TFEC: variants seen among roughly 807,000 people sequenced by gnomAD.
TFEC encodes the protein transcription factor EC.
Under a neutral mutation model 41.6 loss-of-function variants are expected in TFEC, and 31 were observed. The ratio of observed to expected loss-of-function variants is 0.74; its 90% CI spans 0.56 to 1.01. The LOEUF is 1.01. TFEC is among the 50% of genes least tolerant of loss of function. The probability of loss-of-function intolerance (pLI) is 0.00; values close to 1 mark genes in which losing one functional copy is unlikely to be tolerated. For missense variants in TFEC, 402 were observed against 404.1 expected, an observed-to-expected ratio of 0.99 and a Z score of 0.04; for synonymous variants, 143 against 140.6, an observed-to-expected ratio of 1.02 and a Z score of -0.12.
intron 3 of TFEC, among the ~76,000 whole-genome samples, chr7:115,961,906 G>C (rs1792575010): frequency 6.6e-6 from 1 of 151,400 alleles, no homozygotes. Flanking sequence ...CTCATATTAA[G>C]AAAACCCTCC....
chr7:116,050,095 C>T (rs867633109), intron 3 of TFEC, among the ~76,000 whole-genome samples: 1 of 151,992 alleles, frequency 6.6e-6, no homozygotes, highest in Non-Finnish European at 1.5e-5. Context: ...CAAACACATT[C>T]GAAAGCCAGC....
chr7:115,980,935 G>T (rs879884211), intron 2 of TFEC, among the ~76,000 whole-genome samples: 1 of 150,914 alleles, frequency 6.6e-6, no homozygotes, highest in Non-Finnish European at 1.5e-5. Flanking sequence ...ATAATTATAA[G>T]ACATAATTGC....
chr7:116,006,033 C>T (rs553933705), intron 1 of TFEC, among the ~76,000 whole-genome samples: 3 of 152,332 alleles, frequency 2.0e-5, no homozygotes, highest in South Asian at 2.1e-4. Context: ...GGTTTGGGAA[C>T]CTCCACCTCA....
chr7:116,139,795 G>A (rs1310724549), intron 1 of TFEC, among the ~76,000 whole-genome samples: 1 of 152,152 alleles, frequency 6.6e-6, no homozygotes, highest in Non-Finnish European at 1.5e-5. Context: ...TAGGCAAAAG[G>A]AGAGACCAGA....
intron 1 of TFEC, among the ~76,000 whole-genome samples, chr7:116,123,584 C>T (rs1451908208): frequency 6.6e-6 from 1 of 152,044 alleles, no homozygotes; most frequent in East Asian, 1.9e-4. Context: ...CTGGTCTAAC[C>T]CGCATATCCC....
chr7:115,977,755 A>C (rs1013574494), intron 2 of TFEC, among the ~76,000 whole-genome samples: 6 of 152,046 alleles, frequency 3.9e-5, no homozygotes, highest in African/African-American at 1.2e-4. Context: ...ATAGATAAGT[A>C]CATATATATA....
intron 3 of TFEC, among the ~76,000 whole-genome samples, chr7:116,043,276 A>T (rs962084153): frequency 6.6e-6 from 1 of 152,086 alleles, no homozygotes; most frequent in Non-Finnish European, 1.5e-5. Flanking sequence ...TTTTTTTCTG[A>T]GTAAGAGAAC....
At chr7:116,158,626 G>C (rs1267048119) in intron 1 of TFEC, among the ~76,000 whole-genome samples, 1 of 152,040 alleles carries the variant, frequency 6.6e-6, no homozygotes, top group Non-Finnish European at 1.5e-5. Context: ...AAAATTTGAT[G>C]TTCTGAAGTA....
chr7:115,945,350 C>T (rs936774678), intron 6 of TFEC, among the ~76,000 whole-genome samples: 11 of 151,356 alleles, frequency 7.3e-5, no homozygotes, highest in Non-Finnish European at 1.3e-4. Context: ...AATTTTGTCA[C>T]GTAGATGGGT....
At chr7:115,981,011 A>T (rs1486498487) in intron 2 of TFEC, among the ~76,000 whole-genome samples, 1 of 152,116 alleles carries the variant, frequency 6.6e-6, no homozygotes, top group African/African-American at 2.4e-5. Flanking sequence ...ATTTAGTTAA[A>T]TCATGGGAAG....
rs1793227100 is a variant in TFEC, at chr7:115,936,356, C to A, written c.*4195G>T. ...TAGCACATAGAGACTATGCCATTAT[C>A]AATACTGAAACAAAATTCAATCCTT... is the stretch of plus-strand genomic sequence containing the variant. On this transcript the variant is annotated 3_prime_UTR_variant, in exon 8 of 8. Transcript: ENST00000265440. The A allele has an allele frequency of 6.6e-6, 1 of 151,604 alleles. No homozygotes were observed. Among genetic ancestry groups the A allele is most frequent in the African/African-American group, 2.4e-5 (1 of 41,410 alleles). 9.4% of individuals were successfully genotyped at this position (151,604 alleles called of 1,614,324 possible). A position where few individuals can be genotyped will look rare whatever the true frequency, so the allele number is the denominator to read the frequency against.
intron 1 of TFEC, among the ~76,000 whole-genome samples, chr7:116,142,492 T>C (rs4727825): frequency 0.021 from 3,234 of 152,240 alleles, 51 homozygotes; most frequent in Non-Finnish European, 0.032. Flanking sequence ...GCAGCAGAGG[T>C]AGACACCTGA....
intron 1 of TFEC, chr7:116,120,375 A>C (rs1025432183): frequency 6.6e-6 from 1 of 151,934 alleles, no homozygotes; most frequent in African/African-American, 2.4e-5. Flanking sequence ...TCTTCACTGA[A>C]AAGTCACTAG....
chr7:115,946,396 C>T (rs985672125), intron 6 of TFEC, among the ~76,000 whole-genome samples: 1 of 123,074 alleles, frequency 8.1e-6, no homozygotes, highest in Non-Finnish European at 1.8e-5. Context: ...AGAAACATAA[C>T]GTGTGTGTGT....
intron 3 of TFEC, among the ~76,000 whole-genome samples, chr7:116,081,171 G>A (rs1273883548): frequency 6.6e-6 from 1 of 151,884 alleles, no homozygotes; most frequent in Non-Finnish European, 1.5e-5. Flanking sequence ...AAGCTATGAG[G>A]ACACAAATGC....
intron 3 of TFEC, among the ~76,000 whole-genome samples, chr7:116,084,879 C>A (rs1797167606): frequency 6.6e-6 from 1 of 151,766 alleles, no homozygotes; most frequent in Non-Finnish European, 1.5e-5. Flanking sequence ...ATATTTGTAT[C>A]AATTAGTAAT....
chr7:116,046,181 G>T (rs1056173513), intron 3 of TFEC, among the ~76,000 whole-genome samples: 4 of 152,258 alleles, frequency 2.6e-5, no homozygotes, highest in Admixed American at 6.5e-5. Context: ...TTGGGGGACT[G>T]CTGGGAAGGC....
rs1797093022 is a variant in TFEC at position 116,081,642 on chromosome 7, TG to T, written c.198+29065del. Among the ~76,000 whole-genome samples, 4 of 152,048 alleles carry T rather than the reference TG, an allele frequency of 2.6e-5. No individual in the cohort carries two copies. The South Asian group carries it at 8.3e-4, about 31-fold the overall frequency. ...GTCTTCCTAAAGCATGTGCTCTTAT[TG>T]GTACTCCAAAGTTCCCACTATAGCT... On this transcript the variant is annotated intron_variant, in intron 3 of 8. Transcript: ENST00000484212.
intron 1 of TFEC, among the ~76,000 whole-genome samples, chr7:116,021,086 C>T (rs1041661028): frequency 6.6e-6 from 1 of 152,118 alleles, no homozygotes; most frequent in Non-Finnish European, 1.5e-5. Flanking sequence ...AACCTGGGAA[C>T]TTATATGAAA....
Sources: gnomAD v4.1 joint callset for allele counts (sites outside exome capture counted in the v4.1 genomes callset) on GRCh38, gnomAD v4.1.1 for gene constraint, MANE v1.5 for transcripts, NCBI Gene and HGNC (gene_info 2026-07-23, HGNC 2026-07-21) for gene names.